The following FAM107B variants were observed in gnomAD, a reference collection of about 807,000 sequenced individuals.
FAM107B encodes the protein protein FAM107B.
A neutral mutation model predicts 31.5 loss-of-function variants in FAM107B; 21 were observed. The ratio of observed to expected loss-of-function variants is 0.67; its 90% CI spans 0.47 to 0.96. The LOEUF (loss-of-function observed/expected upper bound fraction) is 0.96. Ranked by LOEUF, FAM107B falls within the 40% of genes least tolerant of loss-of-function variation. FAM107B has a pLI of 0.00. For synonymous variants in FAM107B, 157 were observed against 141.5 expected (o/e 1.11, Z -0.78); for missense variants, 452 against 377.1 (o/e 1.20, Z -1.64).
intron 1 of FAM107B, among the ~76,000 whole-genome samples, chr10:14,743,435 T>C (rs1216918520): frequency 1.3e-5 from 2 of 152,216 alleles, no homozygotes; most frequent in Non-Finnish European, 2.9e-5. Context: ...CCCGTGCCTA[T>C]GTCCTAAATG....
Position 14,748,084 on chromosome 10 carries a change from T to G in FAM107B, c.411+26169A>C, listed in dbSNP as rs141419881. Among the ~76,000 whole-genome samples, 349 of 152,352 alleles carry G rather than the reference T, an allele frequency of 2.3e-3. 1 individual carries two copies. The highest frequency in any genetic ancestry group is 7.9e-3 in the African/African-American group (329 of 41,588). On this transcript the variant is annotated intron_variant, in intron 1 of 4. Transcript: ENST00000181796. ...TGCCTCCTCTGATGAGGTGGCTCAG[T>G]GCATACTTCTATCAAAGCACTTACT...
Position 14,730,724 on chromosome 10 carries a change from C to T in FAM107B, c.411+43529G>A, listed in dbSNP as rs566321681. Among the ~76,000 whole-genome samples, 18 of 152,268 alleles carry T rather than the reference C, an allele frequency of 1.2e-4. No homozygotes were observed. In the South Asian group the frequency reaches 3.3e-3, roughly 28 times the overall value. ...GCGGAGGCTACTGCAGTAGACCAGG[C>T]GAGAAATTATGCGACTTAGATCTAT... On this transcript the variant is annotated intron_variant, in intron 1 of 4. Coordinates refer to ENST00000181796, the MANE Select transcript of FAM107B (RefSeq NM_031453.4).
intron 2 of FAM107B, chr10:14,572,004 T>C (rs1851267218): frequency 2.1e-5 from 21 of 985,312 alleles, no homozygotes; most frequent in African/African-American, 3.5e-5. Flanking sequence ...CTGACTGTGG[T>C]AGTTCCTTAG....
chr10:14,613,187 G>T (rs1439337023), intron 2 of FAM107B, among the ~76,000 whole-genome samples: 1 of 152,114 alleles, frequency 6.6e-6, no homozygotes, highest in South Asian at 2.1e-4. Context: ...GGCCAGGCTG[G>T]TCTCGAACTC....
chr10:14,600,363 C>T (rs1279697817), intron 2 of FAM107B, among the ~76,000 whole-genome samples: 1 of 152,176 alleles, frequency 6.6e-6, no homozygotes, highest in Admixed American at 6.5e-5. Flanking sequence ...AGCCAAATTC[C>T]AGACAGAACT....
intron 2 of FAM107B, chr10:14,604,348 G>C: frequency 2.8e-6 from 2 of 705,100 alleles, no homozygotes; most frequent in Non-Finnish European, 3.5e-6. Flanking sequence ...GCGCGAGGGC[G>C]GCTCCGGGGG....
chr10:14,704,052 C>G (rs984854723), intron 1 of FAM107B, among the ~76,000 whole-genome samples: 2 of 152,138 alleles, frequency 1.3e-5, no homozygotes, highest in South Asian at 2.1e-4. Context: ...TTGCACAAAC[C>G]TTTTGAGAGA....
At chr10:14,642,822 C>T (rs1220738487) in intron 2 of FAM107B, among the ~76,000 whole-genome samples, 1 of 152,192 alleles carries the variant, frequency 6.6e-6, no homozygotes. Flanking sequence ...CTGCCTTTCA[C>T]AAAACTCTAG....
chr10:14,562,300 A>G (rs936395476), intron 2 of FAM107B, among the ~76,000 whole-genome samples: 1 of 152,246 alleles, frequency 6.6e-6, no homozygotes, highest in African/African-American at 2.4e-5. Flanking sequence ...CTACACTTCA[A>G]AGGGTGATGC....
intron 1 of FAM107B, among the ~76,000 whole-genome samples, chr10:14,676,957 T>A (rs114006710): frequency 6.6e-6 from 1 of 151,694 alleles, no homozygotes; most frequent in African/African-American, 2.4e-5. Flanking sequence ...AAGCAGAGAG[T>A]CCTGGTCCCC....
intron 2 of FAM107B, among the ~76,000 whole-genome samples, chr10:14,596,382 G>C (rs1852189502): frequency 6.6e-6 from 1 of 152,120 alleles, no homozygotes; most frequent in Non-Finnish European, 1.5e-5. Flanking sequence ...GAGTCTGTCT[G>C]TCCCAGCCAC....
At chr10:14,550,563 G>C (rs1849161488) in intron 2 of FAM107B, among the ~76,000 whole-genome samples, 1 of 152,224 alleles carries the variant, frequency 6.6e-6, no homozygotes, top group African/African-American at 2.4e-5. Context: ...GGAAAGAACA[G>C]AAAAAGGTGG....
intron 2 of FAM107B, among the ~76,000 whole-genome samples, chr10:14,581,479 A>T (rs574148875): frequency 4.9e-4 from 75 of 152,378 alleles, no homozygotes; most frequent in Non-Finnish European, 9.3e-4. Context: ...TGGAAAAATT[A>T]ACTGGCCTGA....
In FAM107B at chr10:14,521,923, C is replaced by A. The variant is rs756406965; in HGVS notation, c.750G>T (p.Lys250Asn). 12 of 1,614,182 alleles carry A rather than the reference C, an allele frequency of 7.4e-6. No homozygotes were observed. The highest frequency in any genetic ancestry group is 1.0e-5 in the Non-Finnish European group (12 of 1,180,026). The change falls in exon 4 of 5, where the codon AAG becomes AAT. Residue 250 changes from lysine (K) to asparagine (N), a missense_variant. Coordinates refer to ENST00000181796, the MANE Select transcript of FAM107B (RefSeq NM_031453.4). ...VIKQKEEEAQ[K>N]KKSDLEIELL... ...GCTCTATTTCCAAGTCAGATTTCTT[C>A]TTCTGTGCTTCTTCTTCCTTCTGCT...
At chr10:14,703,317 CCTT>C (rs1368242442) in intron 1 of FAM107B, among the ~76,000 whole-genome samples, 3 of 151,470 alleles carry the variant, frequency 2.0e-5, no homozygotes, top group Non-Finnish European at 2.9e-5. Context: ...GTTTCCTTTT[CCTT>C]CTTCTTCTTT....
intron 2 of FAM107B, among the ~76,000 whole-genome samples, chr10:14,606,312 C>T (rs1306835615): frequency 1.3e-5 from 2 of 152,122 alleles, no homozygotes; most frequent in Non-Finnish European, 2.9e-5. Flanking sequence ...CTCTGGAAAC[C>T]CTTTCCTGAC....
intron 2 of FAM107B, among the ~76,000 whole-genome samples, chr10:14,547,133 T>A (rs1366756640): frequency 1.3e-5 from 2 of 152,142 alleles, no homozygotes; most frequent in Non-Finnish European, 2.9e-5. Flanking sequence ...AGTCCCAGGG[T>A]TCTTCTGGGT....
At chr10:14,770,430 G>A (rs1458207100) in intron 1 of FAM107B, among the ~76,000 whole-genome samples, 1 of 152,120 alleles carries the variant, frequency 6.6e-6, no homozygotes, top group African/African-American at 2.4e-5. Context: ...TGCTGAGGCA[G>A]GAGAATTACT....
At chr10:14,750,053 C>G (rs1465651411) in intron 1 of FAM107B, among the ~76,000 whole-genome samples, 1 of 152,100 alleles carries the variant, frequency 6.6e-6, no homozygotes, top group Non-Finnish European at 1.5e-5. Context: ...ACAGCTCCAG[C>G]GAGGAGGGCA....
Sources: allele counts gnomAD v4.1 joint callset (sites outside exome capture counted in the v4.1 genomes callset), GRCh38; gene constraint gnomAD v4.1.1; transcripts MANE v1.5; gene names NCBI Gene and HGNC (gene_info 2026-07-23, HGNC 2026-07-21).